Variants in CCDC60 observed in about 807,000 individuals in gnomAD.
CCDC60 encodes the protein coiled-coil domain containing 60.
A neutral mutation model predicts 63.5 loss-of-function variants in CCDC60; 54 were observed. The observed-to-expected ratio is 0.85, with a 90% CI of 0.68 to 1.07. The LOEUF is 1.07. Ranked by LOEUF, CCDC60 falls within the 50% of genes least tolerant of loss-of-function variation. CCDC60 has a pLI of 0.00. For synonymous variants in CCDC60, 206 were observed against 238.8 expected, an observed-to-expected ratio of 0.86 and a Z score of 1.27; for missense variants, 651 against 684.3, an observed-to-expected ratio of 0.95 and a Z score of 0.54.
In CCDC60 at chr12:119,364,079, C is replaced by T. The variant is rs577803357; in HGVS notation, c.90+28813C>T. On this transcript the variant is annotated intron_variant, in intron 1 of 13. Transcript: ENST00000327554. The stretch of plus-strand genomic sequence containing the variant: ...GAAAACAATAGGCTTTCACTAACTG[C>T]CACAACCTACTCAGAAATTGAAAAC... Among the ~76,000 whole-genome samples the T allele has an allele frequency of 7.9e-5, 12 of 152,268 alleles. 1 individual carries two copies. The South Asian group carries it at 2.1e-3, about 26-fold the overall frequency.
chr12:119,437,582 G>T (rs145428897), intron 2 of CCDC60, among the ~76,000 whole-genome samples: 15 of 152,304 alleles, frequency 9.8e-5, no homozygotes, highest in African/African-American at 3.1e-4. Flanking sequence ...GAATGAGGCT[G>T]CTTTTAAGTG....
rs116153736 is a variant in CCDC60 at position 119,520,170 on chromosome 12, A to C, written c.1018A>C (p.Met340Leu). 1.7e-3 allele frequency: 2,701 copies of C among 1,613,836 alleles called. 43 individuals carry two copies. In the African/African-American group the frequency reaches 0.031, roughly 19 times the overall value. ...CAAGAGTAATTCTGCTTATAAGGAAATGCAGACCACTCTCAAATCAAGGTA... is the reference window on the plus strand; with the variant it reads ...CAAGAGTAATTCTGCTTATAAGGAACTGCAGACCACTCTCAAATCAAGGTA... ...QNKSNSAYKE[M>L]QTTLKSSERS... Residue 340 changes from methionine (M) to leucine (L), a missense_variant, in exon 9 of 14, where the codon ATG (methionine) becomes CTG (leucine). By Grantham distance (15) the Met-to-Leu change is conservative. Coordinates refer to ENST00000327554, the MANE Select transcript of CCDC60 (RefSeq NM_178499.5).
At chr12:119,388,845 G>C (rs1833437000) in intron 1 of CCDC60, among the ~76,000 whole-genome samples, 1 of 152,090 alleles carries the variant, frequency 6.6e-6, no homozygotes, top group African/African-American at 2.4e-5. Flanking sequence ...GTGTGCTTCA[G>C]AACAAAAGTT....
At chr12:119,440,121 A>G (rs1950412851) in intron 2 of CCDC60, among the ~76,000 whole-genome samples, 1 of 152,188 alleles carries the variant, frequency 6.6e-6, no homozygotes, top group African/African-American at 2.4e-5. Context: ...TGCAGGACTT[A>G]AAACCTAGAT....
intron 2 of CCDC60, among the ~76,000 whole-genome samples, chr12:119,431,073 A>T (rs1235733959): frequency 6.6e-6 from 1 of 152,206 alleles, no homozygotes; most frequent in East Asian, 1.9e-4. Flanking sequence ...GCCTCTCTGT[A>T]ACTGCCCAGT....
intron 6 of CCDC60, 113 bp downstream of exon 6, chr12:119,500,281 G>A (rs1164762683): frequency 1.1e-5 from 8 of 711,970 alleles, no homozygotes; most frequent in Non-Finnish European, 1.9e-5. Flanking sequence ...GTTGGTTCTC[G>A]GAGTGAAGGG....
intron 6 of CCDC60, among the ~76,000 whole-genome samples, chr12:119,504,449 G>A (rs918049844): frequency 1.3e-5 from 2 of 151,934 alleles, no homozygotes; most frequent in Non-Finnish European, 2.9e-5. Flanking sequence ...AATTCTCCTA[G>A]CCCACTACAA....
chr12:119,368,201 C>G (rs1162690860), intron 1 of CCDC60, among the ~76,000 whole-genome samples: 1 of 82,604 alleles, frequency 1.2e-5, no homozygotes. Flanking sequence ...GGGGGAAGGG[C>G]AGGAGGAGGA....
At chr12:119,459,933 T>C (rs190916857) in intron 2 of CCDC60, among the ~76,000 whole-genome samples, 1 of 152,354 alleles carries the variant, frequency 6.6e-6, no homozygotes, top group African/African-American at 2.4e-5. Flanking sequence ...TATACAACTT[T>C]TTCTCTATTG....
intron 1 of CCDC60, among the ~76,000 whole-genome samples, chr12:119,367,569 T>C (rs1955853437): frequency 6.6e-6 from 1 of 152,220 alleles, no homozygotes; most frequent in African/African-American, 2.4e-5. Context: ...CCCTTAGCTG[T>C]GACCTTGGGA....
intron 1 of CCDC60, among the ~76,000 whole-genome samples, chr12:119,378,037 CG>C (rs1565976694): frequency 1.3e-5 from 2 of 152,182 alleles, no homozygotes; most frequent in Admixed American, 6.5e-5. Flanking sequence ...GTGAAATGCA[CG>C]GGGTTTTATA....
intron 11 of CCDC60, among the ~76,000 whole-genome samples, chr12:119,527,218 T>C (rs1049793907): frequency 3.3e-5 from 5 of 151,706 alleles, no homozygotes; most frequent in African/African-American, 1.2e-4. Flanking sequence ...ATGATAAGAA[T>C]TTATGAACAC....
At chr12:119,398,292 C>T (rs544729210) in intron 1 of CCDC60, among the ~76,000 whole-genome samples, 98 of 152,148 alleles carry the variant, frequency 6.4e-4, no homozygotes, top group African/African-American at 2.2e-3. Flanking sequence ...AGATGCTAAG[C>T]GCATCACTGC....
chr12:119,428,447 G>C (rs760270720), intron 1 of CCDC60, among the ~76,000 whole-genome samples: 15 of 152,112 alleles, frequency 9.9e-5, no homozygotes, highest in Non-Finnish European at 1.9e-4. Context: ...TCACACAGCT[G>C]GTCACCAGAC....
At position 119,335,055 on chromosome 12, in the gene CCDC60, A is replaced by T; in HGVS notation, c.-122A>T. On this transcript the variant is annotated 5_prime_UTR_variant, in exon 1 of 14. Coordinates refer to ENST00000327554, the MANE Select transcript of CCDC60 (RefSeq NM_178499.5). Reference sequence around the variant, plus strand: ...AGGAAACCGCTTTGGAGTTCGTGTAATTGGGACTTGGGGATCAGGGAGAAG... The same window carrying T: ...AGGAAACCGCTTTGGAGTTCGTGTATTTGGGACTTGGGGATCAGGGAGAAG... 2.8e-6 allele frequency: 2 copies of T among 727,180 alleles called. No homozygotes were observed. Among genetic ancestry groups the T allele is most frequent in the East Asian group, 2.6e-5 (1 of 38,010 alleles). The allele number at this position is 727,180 out of a possible 1,614,324, so 45.0% of individuals were successfully genotyped here.
intron 2 of CCDC60, among the ~76,000 whole-genome samples, chr12:119,445,679 G>A (rs1950531658): frequency 6.6e-6 from 1 of 152,028 alleles, no homozygotes; most frequent in Non-Finnish European, 1.5e-5. Flanking sequence ...CAGCATCTAT[G>A]ACTATGTGTT....
intron 1 of CCDC60, among the ~76,000 whole-genome samples, chr12:119,384,549 T>G (rs1454162953): frequency 1.3e-5 from 2 of 152,156 alleles, no homozygotes; most frequent in African/African-American, 4.8e-5. Context: ...CTCATCACAG[T>G]TCAGGGAGCC....
chr12:119,412,991 G>T (rs1956632329), intron 1 of CCDC60, among the ~76,000 whole-genome samples: 1 of 152,068 alleles, frequency 6.6e-6, no homozygotes, highest in South Asian at 2.1e-4. Context: ...CACGCCATTT[G>T]CAAGGTTCAC....
At chr12:119,471,831 TCTCA>T (rs1051614208) in intron 2 of CCDC60, among the ~76,000 whole-genome samples, 159 bp from the exon 3 acceptor site, 2 of 151,376 alleles carry the variant, frequency 1.3e-5, no homozygotes, top group Admixed American at 6.6e-5. Context: ...CCTCTCCCTC[TCTCA>T]CTCTCTTTCT....
Sources: gnomAD v4.1 joint callset for allele counts (sites outside exome capture counted in the v4.1 genomes callset) on GRCh38, gnomAD v4.1.1 for gene constraint, MANE v1.5 for transcripts, NCBI Gene and HGNC (gene_info 2026-07-23, HGNC 2026-07-21) for gene names.